Variants in CDH12 observed in about 807,000 individuals in gnomAD.
CDH12 encodes cadherin 12.
CDH12 carries 41 observed loss-of-function variants against 74.1 expected under a neutral mutation model. The observed-to-expected ratio is 0.55, with a 90% confidence interval of 0.43 to 0.72. CDH12 has a LOEUF of 0.72. CDH12 is among the 30% of genes least tolerant of loss of function. The pLI, the probability that CDH12 is intolerant of heterozygous loss-of-function variation, is 0.00. For missense variants in CDH12, 945 were observed against 977.2 expected (o/e 0.97, Z 0.44); for synonymous variants, 399 against 355.0 (o/e 1.12, Z -1.39).
intron 1 of CDH12, among the ~76,000 whole-genome samples, chr5:22,570,771 T>C (rs981761987): frequency 6.6e-6 from 1 of 152,214 alleles, no homozygotes; most frequent in African/African-American, 2.4e-5. Context: ...CCTTTGAAAT[T>C]TTGAAGCCAG....
chr5:22,263,068 C>A (rs1342351725), intron 3 of CDH12, among the ~76,000 whole-genome samples: 3 of 151,806 alleles, frequency 2.0e-5, no homozygotes, highest in Admixed American at 1.3e-4. Flanking sequence ...ATTTATGCAG[C>A]CAAAAAATAC....
rs1579895240 is a variant in CDH12 at position 21,880,572 on chromosome 5, T to TTCCTTCCTTCCTTCCTTCC, written c.527-25783_527-25782insGGAAGGAAGGAAGGAAGGA. 2.5e-3 allele frequency among the ~76,000 whole-genome samples: 33 copies of TTCCTTCCTTCCTTCCTTCC among 12,950 alleles called. 1 individual carries two copies. Among genetic ancestry groups the TTCCTTCCTTCCTTCCTTCC allele is most frequent in the South Asian group, 3.8e-3 (1 of 266 alleles). 8.5% of individuals were successfully genotyped at this position (12,950 alleles called of 152,430 possible). A position where few individuals can be genotyped will look rare whatever the true frequency, so the allele number is the denominator to read the frequency against. On this transcript the variant is annotated intron_variant, in intron 6 of 14. Transcript: ENST00000382254. ...CTTCCTTCCTTCCTTCCCTTCTTTC[T>TTCCTTCCTTCCTTCCTTCC]TTCCTTCCTTCCTTCCTTCCTTCCT...
chr5:22,808,861 C>G (rs1748965119), intron 1 of CDH12, among the ~76,000 whole-genome samples: 2 of 150,146 alleles, frequency 1.3e-5, no homozygotes, highest in Non-Finnish European at 3.0e-5. Context: ...CCTGCCTCAG[C>G]CTCCTGAAGT....
At chr5:21,974,518 A>C (rs570441714) in intron 6 of CDH12, among the ~76,000 whole-genome samples, 74 of 152,180 alleles carry the variant, frequency 4.9e-4, no homozygotes, top group South Asian at 1.5e-3. Context: ...GTAATTTGTT[A>C]ATTTGTTCTA....
chr5:21,932,717 G>T (rs1754898588), intron 6 of CDH12, among the ~76,000 whole-genome samples: 1 of 151,736 alleles, frequency 6.6e-6, no homozygotes, highest in African/African-American at 2.4e-5. Flanking sequence ...TGGCCAACAT[G>T]ACAAAACCCC....
At chr5:22,562,147 C>T (rs568302442) in intron 1 of CDH12, among the ~76,000 whole-genome samples, 159 of 152,166 alleles carry the variant, frequency 1.0e-3, no homozygotes, top group Non-Finnish European at 1.9e-3. Context: ...GAAACCCCGT[C>T]TCTACTAAAA....
chr5:22,261,803 A>T (rs78108885), intron 3 of CDH12, among the ~76,000 whole-genome samples: 3 of 144,854 alleles, frequency 2.1e-5, no homozygotes, highest in South Asian at 4.3e-4. Context: ...AAAAAAAAAA[A>T]ATACATGGCT....
intron 1 of CDH12, among the ~76,000 whole-genome samples, chr5:22,686,498 T>C (rs1334575011): frequency 6.6e-6 from 1 of 152,236 alleles, no homozygotes. Context: ...TCTAAGAATT[T>C]TGTAGTTTTA....
chr5:22,122,862 CT>C (rs1315123558), intron 4 of CDH12, among the ~76,000 whole-genome samples: 1 of 152,196 alleles, frequency 6.6e-6, no homozygotes, highest in Non-Finnish European at 1.5e-5. Flanking sequence ...CACTGATCAG[CT>C]CTTCCTGGGT....
chr5:22,329,703 TAGAGAG>T (rs981474812), intron 3 of CDH12, among the ~76,000 whole-genome samples: 6 of 152,156 alleles, frequency 3.9e-5, no homozygotes, highest in Non-Finnish European at 8.8e-5. Flanking sequence ...CTGTGCACTT[TAGAGAG>T]AGAGACTTTG....
intron 3 of CDH12, among the ~76,000 whole-genome samples, chr5:22,265,497 G>A (rs7445280): frequency 0.99 from 151,361 of 152,290 alleles, 75,232 homozygotes; most frequent in Middle Eastern, 1. Flanking sequence ...CTGCTCTCTC[G>A]TATGTAGTTT....
At chr5:21,790,228 C>T (rs191552537) in intron 10 of CDH12, among the ~76,000 whole-genome samples, 11 of 152,144 alleles carry the variant, frequency 7.2e-5, no homozygotes, top group Non-Finnish European at 1.5e-4. Flanking sequence ...CAGTGAATCA[C>T]CACATATACA....
intron 1 of CDH12, among the ~76,000 whole-genome samples, chr5:22,607,408 G>A (rs1246857510): frequency 6.6e-6 from 1 of 152,162 alleles, no homozygotes; most frequent in Admixed American, 6.5e-5. Context: ...CATGCCCGGG[G>A]AGGCCTCAGA....
intron 4 of CDH12, among the ~76,000 whole-genome samples, chr5:22,104,974 A>G (rs1744343515): frequency 6.6e-6 from 1 of 152,144 alleles, no homozygotes; most frequent in East Asian, 1.9e-4. Context: ...AATCAGGTGC[A>G]TGACTCTCCT....
intron 1 of CDH12, among the ~76,000 whole-genome samples, chr5:22,774,509 G>T (rs1561021875): frequency 6.6e-6 from 1 of 152,046 alleles, no homozygotes; most frequent in Non-Finnish European, 1.5e-5. Flanking sequence ...CCCAATGGGA[G>T]GTAATTGAAT....
intron 4 of CDH12, chr5:22,141,265 T>C (rs1746774330): frequency 6.6e-6 from 1 of 152,190 alleles, no homozygotes; most frequent in Non-Finnish European, 1.5e-5. Flanking sequence ...TTGAGACAGA[T>C]GTGAATAAAA....
intron 3 of CDH12, among the ~76,000 whole-genome samples, chr5:22,222,599 T>C (rs972201396): frequency 2.0e-5 from 3 of 151,848 alleles, no homozygotes; most frequent in African/African-American, 2.4e-5. Context: ...CTTATGGACA[T>C]GAAAATATCA....
At chr5:21,807,587 G>A (rs1747502679) in intron 9 of CDH12, among the ~76,000 whole-genome samples, 1 of 152,126 alleles carries the variant, frequency 6.6e-6, no homozygotes, top group South Asian at 2.1e-4. Context: ...TAAATTATAA[G>A]AGAATAGCTA....
At chr5:22,752,956 T>C (rs1296139834) in intron 1 of CDH12, among the ~76,000 whole-genome samples, 1 of 151,772 alleles carries the variant, frequency 6.6e-6, no homozygotes, top group Non-Finnish European at 1.5e-5. Context: ...TGCATGAGGG[T>C]TTTGAACGGT....
Sources: allele counts gnomAD v4.1 joint callset (sites outside exome capture counted in the v4.1 genomes callset), GRCh38; gene constraint gnomAD v4.1.1; transcripts MANE v1.5; gene names NCBI Gene and HGNC (gene_info 2026-07-23, HGNC 2026-07-21).